The following PCDHGA11 variants were observed in gnomAD, a reference collection of about 807,000 sequenced individuals.
PCDHGA11 encodes the protein protocadherin gamma-A11.
A neutral mutation model predicts 60.4 loss-of-function variants in PCDHGA11; 39 were observed. The observed-to-expected ratio is 0.65, with a 90% CI of 0.50 to 0.84. The LOEUF (loss-of-function observed/expected upper bound fraction) is 0.84. PCDHGA11 is among the 40% of genes least tolerant of loss of function. The pLI is 0.00. For missense variants in PCDHGA11, 1,165 were observed against 1,197.7 expected (o/e 0.97, Z 0.40); for synonymous variants, 533 against 510.3 (o/e 1.04, Z -0.60).
chr5:141,481,781 G>A (rs957054361), intron 1 of PCDHGA11, among the ~76,000 whole-genome samples: 3 of 151,998 alleles, frequency 2.0e-5, no homozygotes, highest in Admixed American at 6.6e-5. Context: ...GTGAAACCCC[G>A]TCTCTACTAA....
At chr5:141,479,090 T>G (rs1424205731) in intron 1 of PCDHGA11, among the ~76,000 whole-genome samples, 2 of 152,244 alleles carry the variant, frequency 1.3e-5, no homozygotes, top group Non-Finnish European at 2.9e-5. Flanking sequence ...CCAGGCATCC[T>G]TTAAATTTTA....
rs754178145 is a variant in PCDHGA11 at position 141,489,423 on chromosome 5, C to G, written c.2434-5384C>G. On this transcript the variant is annotated intron_variant, in intron 1 of 3. Transcript: ENST00000398587. The surrounding 1 kb of genome is among the most constrained non-coding windows in gnomAD (Gnocchi z 4.5). ...GCTTAAAGATGACAGATCTGTTGAG[C>G]CGGCGGCTGCAATTGGGCTCTGAGG... 3 of 1,614,098 alleles carry G rather than the reference C, an allele frequency of 1.9e-6. No individual in the cohort carries two copies. The highest frequency in any genetic ancestry group is 1.7e-5 in the Admixed American group (1 of 60,020).
rs1354360582 is a variant in PCDHGA11 at position 141,491,147 on chromosome 5, A to T, written c.2434-3660A>T. On this transcript the variant is annotated intron_variant, in intron 1 of 3. Transcript: ENST00000398587. The surrounding 1 kb of genome is among the most constrained non-coding windows in gnomAD (Gnocchi z 6.9). ...GTGCGCACAGCCCGGGCCTTACTGG[A>T]GGATGACTCTGACACCCAGCAGGTG... The T allele has an allele frequency of 1.9e-6, 3 of 1,613,980 alleles. No homozygotes were observed. The highest frequency in any genetic ancestry group is 2.5e-6 in the Non-Finnish European group (3 of 1,179,994).
chr5:141,476,979 G>C lies in PCDHGA11; in HGVS notation c.2434-17828G>C. On this transcript the variant is annotated intron_variant, in intron 1 of 3. Coordinates refer to ENST00000398587, the MANE Select transcript of PCDHGA11 (RefSeq NM_018914.3). The surrounding 1 kb of genome is among the most constrained non-coding windows in gnomAD (Gnocchi z 7.6). Reference sequence around the variant, plus strand: ...ATTTACTCCTTCGGCAGCCACAACCGCGCCGGCGTGCGGCAACTATTCGCC... The same window carrying C: ...ATTTACTCCTTCGGCAGCCACAACCCCGCCGGCGTGCGGCAACTATTCGCC... 1 of 1,614,238 alleles carries C rather than the reference G, an allele frequency of 6.2e-7. No homozygotes were observed. The highest frequency in any genetic ancestry group is 1.3e-5 in the African/African-American group (1 of 75,074).
Position 141,485,790 on chromosome 5 carries a change from C to T in PCDHGA11, c.2434-9017C>T. On this transcript the variant is annotated intron_variant, in intron 1 of 3. Transcript: ENST00000398587. This position sits in a 1 kb window ranked among gnomAD's most constrained non-coding sequence, Gnocchi z 5.7. The stretch of plus-strand genomic sequence containing the variant: ...AAGCCTTTGGATCGAGAGAAGCAAT[C>T]GGACTACCGCCTGGTGCTGACTGCT... 6.2e-7 allele frequency: 1 copy of T among 1,614,204 alleles called. No homozygotes were observed. Among genetic ancestry groups the T allele is most frequent in the Non-Finnish European group, 8.5e-7 (1 of 1,180,032 alleles).
chr5:141,495,010 G>A (rs1327870362), intron 2 of PCDHGA11, 145 bp downstream of exon 2: 6 of 1,516,970 alleles, frequency 4.0e-6, no homozygotes, highest in Non-Finnish European at 5.3e-6. Context: ...GTGTGCGGGG[G>A]GCTGGCACAC....
chr5:141,446,988 C>T (rs548721486), intron 1 of PCDHGA11, among the ~76,000 whole-genome samples: 1 of 152,154 alleles, frequency 6.6e-6, no homozygotes, highest in Non-Finnish European at 1.5e-5. Flanking sequence ...TCATACTCCA[C>T]TCTTCAGACT....
intron 1 of PCDHGA11, among the ~76,000 whole-genome samples, chr5:141,460,983 GTATATA>G (rs59296681): frequency 0.23 from 32,081 of 137,558 alleles, 4,351 homozygotes; most frequent in African/African-American, 0.39. Context: ...GTGTGTGTGT[GTATATA>G]TATATATGTG....
chr5:141,482,472 CTG>C (rs2099561247), intron 1 of PCDHGA11, among the ~76,000 whole-genome samples: 2 of 136,856 alleles, frequency 1.5e-5, no homozygotes, highest in Non-Finnish European at 3.0e-5. Context: ...GTGCCAGACA[CTG>C]TAAACAATTA....
intron 1 of PCDHGA11, chr5:141,430,515 G>A (rs1016446331): frequency 2.1e-5 from 7 of 340,180 alleles, no homozygotes; most frequent in Admixed American, 1.8e-4. Flanking sequence ...TCAAGATTGT[G>A]CAGTAATTGG....
At chr5:141,446,039 A>G (rs1349676116) in intron 1 of PCDHGA11, among the ~76,000 whole-genome samples, 1 of 152,180 alleles carries the variant, frequency 6.6e-6, no homozygotes, top group African/African-American at 2.4e-5. Context: ...TAAGAAATGG[A>G]AGAAGAGCTG....
intron 1 of PCDHGA11, chr5:141,475,974 A>G: frequency 1.0e-6 from 1 of 975,714 alleles, no homozygotes; most frequent in Non-Finnish European, 1.5e-6. Flanking sequence ...GCAGAGACTG[A>G]ACAGCCGGCG....
Position 141,425,635 on chromosome 5 carries a change from T to C in PCDHGA11, c.2433+1975T>C, listed in dbSNP as rs376675545. On this transcript the variant is annotated intron_variant, in intron 1 of 3. Coordinates refer to ENST00000398587, the MANE Select transcript of PCDHGA11 (RefSeq NM_018914.3). ...TCAGTGCTCCTCCAGTTTTCTCTGA[T>C]AAAACTAGGAGGAAAATTATCTGCA... Among the ~76,000 whole-genome samples, 51 of 152,354 alleles carry C rather than the reference T, an allele frequency of 3.3e-4. 1 individual carries two copies. The South Asian group carries it at 0.01, about 30-fold the overall frequency.
intron 1 of PCDHGA11, among the ~76,000 whole-genome samples, chr5:141,449,680 T>C (rs2098651613): frequency 6.6e-6 from 1 of 151,546 alleles, no homozygotes; most frequent in Admixed American, 6.6e-5. Flanking sequence ...TATGTATATA[T>C]GTTTGTGTGT....
chr5:141,511,381 G>A lies in PCDHGA11; in HGVS notation c.*208G>A, dbSNP rs545793377. 97 of 1,170,372 alleles carry A rather than the reference G, an allele frequency of 8.3e-5. No homozygotes were observed. In the East Asian group the frequency reaches 9.2e-4, roughly 11 times the overall value. 72.5% of individuals were successfully genotyped at this position (1,170,372 alleles called of 1,614,324 possible). On this transcript the variant is annotated 3_prime_UTR_variant, in exon 4 of 4. Transcript: ENST00000398587. ...GGGTTGAATATGCAAAAGCAGTTCC[G>A]CTGGGAACCCCCATCCAATCAACTG...
chr5:141,442,700 T>TC (rs1388243183), intron 1 of PCDHGA11, among the ~76,000 whole-genome samples: 5 of 152,198 alleles, frequency 3.3e-5, no homozygotes, highest in Non-Finnish European at 7.3e-5. Flanking sequence ...CAGACAAGAG[T>TC]ATCAGACATG....
At chr5:141,428,635 G>A (rs1411119011) in intron 1 of PCDHGA11, 1 of 180,288 alleles carries the variant, frequency 5.5e-6, no homozygotes, top group Non-Finnish European at 1.2e-5. Context: ...TAACTCTGTT[G>A]CTCCTACTCA....
At chr5:141,453,745 A>G (rs1208061874) in intron 1 of PCDHGA11, among the ~76,000 whole-genome samples, 1 of 152,264 alleles carries the variant, frequency 6.6e-6, no homozygotes, top group African/African-American at 2.4e-5. Context: ...CTTAAATAAC[A>G]TAAGTCTCCT....
chr5:141,465,490 G>A (rs917234604), intron 1 of PCDHGA11, among the ~76,000 whole-genome samples: 9 of 152,170 alleles, frequency 5.9e-5, no homozygotes, highest in East Asian at 1.9e-4. Flanking sequence ...AGGAATGAGC[G>A]GGAGCATTGT....
Sources: allele counts gnomAD v4.1 joint callset (sites outside exome capture counted in the v4.1 genomes callset), GRCh38; gene constraint gnomAD v4.1.1; non-coding constraint Gnocchi (gnomAD v3.1); transcripts MANE v1.5; gene names NCBI Gene and HGNC (gene_info 2026-07-23, HGNC 2026-07-21).